Variants in ROPN1L observed in about 807,000 individuals in gnomAD.
ROPN1L encodes the protein rhophilin associated tail protein 1 like.
A neutral mutation model predicts 22.7 loss-of-function variants in ROPN1L; 23 were observed. The observed-to-expected ratio is 1.01, with a 90% CI of 0.73 to 1.43. The LOEUF is 1.43. Ranked by LOEUF, ROPN1L falls within the 40% of genes most tolerant of loss-of-function variation. The probability of loss-of-function intolerance (pLI) is 0.00; values close to 1 mark genes in which losing one functional copy is unlikely to be tolerated. For synonymous variants in ROPN1L, 116 were observed against 117.8 expected (o/e 0.98, Z 0.10); for missense variants, 271 against 291.5 (o/e 0.93, Z 0.51).
intron 3 of ROPN1L, among the ~76,000 whole-genome samples, chr5:10,455,006 GAGA>G (rs1043644258): frequency 2.0e-5 from 3 of 152,340 alleles, no homozygotes; most frequent in East Asian, 1.9e-4. Context: ...TCCTGTCTCG[GAGA>G]AGAACAACTC....
At chr5:10,460,916 T>A (rs1372767351) in intron 3 of ROPN1L, among the ~76,000 whole-genome samples, 3 of 152,254 alleles carry the variant, frequency 2.0e-5, no homozygotes, top group Admixed American at 6.5e-5. Flanking sequence ...CTTCCTTTTG[T>A]CTGTAACAGT....
downstream of ROPN1L, among the ~76,000 whole-genome samples, chr5:10,466,729 G>T (rs1419774192): frequency 2.0e-5 from 3 of 152,158 alleles, no homozygotes; most frequent in Non-Finnish European, 2.9e-5. Flanking sequence ...GTTTTCTTGG[G>T]AATGACTTGG....
chr5:10,482,277 G>T, the ROPN1L span: 13 of 150,028 alleles, frequency 8.7e-5, no homozygotes, highest in Non-Finnish European at 1.6e-4. Context: ...ATAGTTTACC[G>T]CAATTAAAAA....
At position 10,461,848 on chromosome 5, in the gene ROPN1L, GAAGA is replaced by G. The variant is rs145748319; in HGVS notation, c.593+490_593+493del. ...TTTTAAAGGCTACCAACAGTCAGAG[GAAGA>G]CAGACAAAGGGCAAGGTCTGGAAGG... On this transcript the variant is annotated intron_variant, in intron 4 of 4. Coordinates refer to ENST00000274134, the MANE Select transcript of ROPN1L (RefSeq NM_031916.5). Among the ~76,000 whole-genome samples the G allele has an allele frequency of 1.1e-3, 166 of 152,336 alleles. 2 individuals carry two copies. Among genetic ancestry groups the G allele is most frequent in the African/African-American group, 3.9e-3 (163 of 41,578 alleles).
the ROPN1L span, among the ~76,000 whole-genome samples, chr5:10,479,761 TTC>T: frequency 6.6e-6 from 1 of 152,082 alleles, no homozygotes. Flanking sequence ...TCTTTTTTTT[TTC>T]TGAGACGGAG....
At chr5:10,458,505 C>G (rs1212236627) in intron 3 of ROPN1L, among the ~76,000 whole-genome samples, 5 of 129,866 alleles carry the variant, frequency 3.9e-5, no homozygotes, top group Non-Finnish European at 6.6e-5. Flanking sequence ...ACACCATCCC[C>G]CTCATGTACA....
chr5:10,452,586 C>A (rs1450257153), intron 3 of ROPN1L, among the ~76,000 whole-genome samples: 2 of 151,606 alleles, frequency 1.3e-5, no homozygotes, highest in Non-Finnish European at 2.9e-5. Context: ...GATCTGCCCG[C>A]CTCGGCCTCC....
the ROPN1L span, chr5:10,482,448 C>T: frequency 6.6e-6 from 1 of 152,194 alleles, no homozygotes; most frequent in Non-Finnish European, 1.5e-5. Flanking sequence ...GGATGTCACT[C>T]ATGGACATTT....
intron 3 of ROPN1L, among the ~76,000 whole-genome samples, chr5:10,455,496 T>A (rs1027421017): frequency 6.6e-6 from 1 of 152,230 alleles, no homozygotes; most frequent in African/African-American, 2.4e-5. Context: ...TGATTGCTCA[T>A]GTCCCTCCCT....
chr5:10,450,224 A>T, intron 3 of ROPN1L, 111 bp downstream of exon 3: 1 of 831,300 alleles, frequency 1.2e-6, no homozygotes, highest in Non-Finnish European at 1.8e-6. Context: ...TTGTCTTAGA[A>T]AAGCATTTCC....
chr5:10,458,770 CGTG>C (rs1734925888), intron 3 of ROPN1L, among the ~76,000 whole-genome samples: 1 of 77,468 alleles, frequency 1.3e-5, no homozygotes, highest in African/African-American at 4.7e-5. Flanking sequence ...ACCATCCCCT[CGTG>C]TACACCATTC....
downstream of ROPN1L, among the ~76,000 whole-genome samples, chr5:10,467,077 C>T (rs1287718861): frequency 1.3e-5 from 2 of 152,080 alleles, no homozygotes; most frequent in Non-Finnish European, 2.9e-5. Flanking sequence ...AATACAATCA[C>T]AGTCTGAGTT....
chr5:10,460,869 G>C (rs2589665), intron 3 of ROPN1L, among the ~76,000 whole-genome samples: 23,913 of 152,270 alleles, frequency 0.16, 3,023 homozygotes, highest in East Asian at 0.66. Context: ...GCACAGTTCT[G>C]CATTAGCTTA....
At chr5:10,477,820 C>T in the ROPN1L span, among the ~76,000 whole-genome samples, 2 of 152,270 alleles carry the variant, frequency 1.3e-5, no homozygotes, top group East Asian at 1.9e-4. Flanking sequence ...ATCCCAGCTA[C>T]TTGGGAGGCT....
Position 10,448,330 on chromosome 5 carries a change from C to G in ROPN1L, c.202C>G (p.Gln68Glu), listed in dbSNP as rs767438939. Residue 68 changes from glutamine (Q) to glutamate (E), a missense_variant, in exon 2 of 5, where the codon CAG becomes GAG. Physicochemically the swap from Gln to Glu is conservative, Grantham distance 29 (BLOSUM62 2). Transcript: ENST00000274134. ...KDRMEMPTATQKTDTGLTQGL... is the reference protein window; with the variant it reads ...KDRMEMPTATEKTDTGLTQGL... ...CAGAATGGAAATGCCCACGGCAACC[C>G]AGAAAACAGACACAGGCCTGACTCA... is the stretch of plus-strand genomic sequence containing the variant. The G allele has an allele frequency of 1.9e-6, 3 of 1,614,212 alleles. No individual in the cohort carries two copies. In the South Asian group the frequency reaches 3.3e-5, roughly 18 times the overall value.
the ROPN1L span, chr5:10,482,289 C>A: frequency 4.0e-5 from 6 of 150,908 alleles, no homozygotes; most frequent in African/African-American, 1.2e-4. Context: ...AATTAAAAAT[C>A]AAAACAAAAC....
At chr5:10,443,045 T>C (rs539910190) in intron 1 of ROPN1L, among the ~76,000 whole-genome samples, 50 of 152,332 alleles carry the variant, frequency 3.3e-4, no homozygotes, top group African/African-American at 1.1e-3. Context: ...TTAATTTAAA[T>C]ATTTTAGTCA....
chr5:10,452,025 C>G (rs1271040631), intron 3 of ROPN1L, among the ~76,000 whole-genome samples: 4 of 151,974 alleles, frequency 2.6e-5, no homozygotes, highest in Non-Finnish European at 1.5e-5. Flanking sequence ...CTCACTGTGT[C>G]ACCCAGGTTG....
chr5:10,480,277 T>C, the ROPN1L span, among the ~76,000 whole-genome samples: 158 of 152,250 alleles, frequency 1.0e-3, 1 homozygote, highest in African/African-American at 3.2e-3. Flanking sequence ...TCGAAAAGCA[T>C]TTAATGGCTG....
Sources: allele counts gnomAD v4.1 joint callset (sites outside exome capture counted in the v4.1 genomes callset), GRCh38; gene constraint gnomAD v4.1.1; transcripts MANE v1.5; gene names NCBI Gene and HGNC (gene_info 2026-07-23, HGNC 2026-07-21).